DCDC1: variants seen among roughly 807,000 people sequenced by gnomAD.
DCDC1 encodes the protein doublecortin domain containing 1.
Under a neutral mutation model 178.3 loss-of-function variants are expected in DCDC1, and 200 were observed. The ratio of observed to expected loss-of-function variants is 1.12; its 90% confidence interval spans 1.00 to 1.26. DCDC1 has a LOEUF of 1.26. DCDC1 is among the 50% of genes most tolerant of loss of function. The probability of loss-of-function intolerance (pLI) is 0.00; values close to 1 mark genes in which losing one functional copy is unlikely to be tolerated. For synonymous variants in DCDC1, 690 were observed against 604.8 expected (o/e 1.14, Z -2.07); for missense variants, 1,983 against 1,749.2 (o/e 1.13, Z -2.38).
At chr11:30,873,140 A>G (rs1336483313) in intron 38 of DCDC1, among the ~76,000 whole-genome samples, 1 of 150,828 alleles carries the variant, frequency 6.6e-6, no homozygotes, top group Non-Finnish European at 1.5e-5. Flanking sequence ...ATATATATAC[A>G]CACGCACAGT....
intron 27 of DCDC1, among the ~76,000 whole-genome samples, chr11:30,914,140 C>G (rs1226973519): frequency 6.6e-6 from 1 of 152,240 alleles, no homozygotes; most frequent in African/African-American, 2.4e-5. Flanking sequence ...AAACCATTCA[C>G]AGAAACAAAA....
chr11:31,231,466 T>C (rs1466117858), intron 9 of DCDC1, among the ~76,000 whole-genome samples: 1 of 152,118 alleles, frequency 6.6e-6, no homozygotes, highest in African/African-American at 2.4e-5. Flanking sequence ...TTTGCCTTTT[T>C]AAAGGGTGAA....
intron 36 of DCDC1, among the ~76,000 whole-genome samples, chr11:30,884,033 A>ATTTTTTTTT (rs59940255): frequency 0.034 from 3,245 of 95,580 alleles, 493 homozygotes; most frequent in African/African-American, 0.14. Context: ...ATTCTTTCTC[A>ATTTTTTTTT]TTTTTTTTTT....
At chr11:31,172,678 G>C (rs1403206820) in intron 9 of DCDC1, among the ~76,000 whole-genome samples, 1 of 152,088 alleles carries the variant, frequency 6.6e-6, no homozygotes, top group African/African-American at 2.4e-5. Flanking sequence ...ACATAAGCTA[G>C]AGAAAAGAAA....
At chr11:30,892,727 A>C in intron 36 of DCDC1, 91 bp downstream of exon 36, 1 of 1,455,736 alleles carries the variant, frequency 6.9e-7, no homozygotes. Flanking sequence ...TGAGGTTCAT[A>C]GAAGTAATTT....
intron 20 of DCDC1, among the ~76,000 whole-genome samples, chr11:30,955,629 C>A (rs1229766801): frequency 6.6e-6 from 1 of 152,112 alleles, no homozygotes; most frequent in African/African-American, 2.4e-5. Context: ...TTCTCTAGTT[C>A]ATGTATTTAA....
chr11:30,911,520 C>T, intron 27 of DCDC1, 100 bp from the exon 28 acceptor site: 1 of 830,988 alleles, frequency 1.2e-6, no homozygotes, highest in Non-Finnish European at 2.0e-6. Flanking sequence ...TCCATGCATG[C>T]TCTGTAATAA....
chr11:30,987,848 T>C (rs914776529), intron 20 of DCDC1, among the ~76,000 whole-genome samples: 3 of 152,204 alleles, frequency 2.0e-5, no homozygotes, highest in Non-Finnish European at 4.4e-5. Context: ...AGTGTTAGTG[T>C]ATTTTATGTG....
chr11:31,005,303 G>A (rs1467578906), intron 20 of DCDC1, among the ~76,000 whole-genome samples: 3 of 152,080 alleles, frequency 2.0e-5, no homozygotes, highest in Non-Finnish European at 2.9e-5. Flanking sequence ...TGGACAACAT[G>A]GTTAGCCCCA....
intron 20 of DCDC1, 108 bp downstream of exon 20, chr11:31,064,360 AG>A (rs1279136624): frequency 2.6e-5 from 16 of 616,670 alleles, no homozygotes; most frequent in Non-Finnish European, 4.1e-5. Flanking sequence ...TGAAAGCCAA[AG>A]GGCTTTTGAG....
At chr11:31,213,909 T>A (rs1973190603) in intron 9 of DCDC1, among the ~76,000 whole-genome samples, 1 of 151,872 alleles carries the variant, frequency 6.6e-6, no homozygotes, top group Non-Finnish European at 1.5e-5. Context: ...TGTGTACACA[T>A]GTACATGTAT....
intron 1 of DCDC1, among the ~76,000 whole-genome samples, chr11:31,343,993 T>G (rs1209975313): frequency 2.0e-5 from 3 of 152,174 alleles, no homozygotes; most frequent in Admixed American, 2.0e-4. Flanking sequence ...ATTAGTTATA[T>G]AAGTGTGAAA....
chr11:30,932,484 T>C (rs1363997818), intron 21 of DCDC1, among the ~76,000 whole-genome samples: 1 of 152,184 alleles, frequency 6.6e-6, no homozygotes, highest in Non-Finnish European at 1.5e-5. Flanking sequence ...AAATCATTTA[T>C]TGATTAATTC....
chr11:31,283,885 A>G (rs1946631322), intron 7 of DCDC1, among the ~76,000 whole-genome samples: 1 of 152,104 alleles, frequency 6.6e-6, no homozygotes, highest in African/African-American at 2.4e-5. Context: ...TCAGCTACCT[A>G]GAACTTTGAT....
intron 20 of DCDC1, among the ~76,000 whole-genome samples, chr11:31,017,654 A>G (rs1380424876): frequency 6.6e-6 from 1 of 151,422 alleles, no homozygotes; most frequent in Non-Finnish European, 1.5e-5. Flanking sequence ...ATCACAGCTC[A>G]CTGCAGCCTT....
intron 9 of DCDC1, among the ~76,000 whole-genome samples, chr11:31,153,785 A>AACACACACACACACACACAC (rs141063677): frequency 0.072 from 9,575 of 132,226 alleles, 472 homozygotes; most frequent in East Asian, 0.099. Context: ...TCAGTCTTAA[A>AACACACACACACACACACAC]ACACACACAC....
intron 25 of DCDC1, among the ~76,000 whole-genome samples, chr11:30,917,342 A>T (rs1280467935): frequency 2.0e-5 from 3 of 152,210 alleles, no homozygotes; most frequent in Admixed American, 1.3e-4. Flanking sequence ...TAGTTTGAGA[A>T]ATTCACAATG....
At chr11:30,940,562 T>C (rs1046724366) in intron 21 of DCDC1, among the ~76,000 whole-genome samples, 2 of 152,216 alleles carry the variant, frequency 1.3e-5, no homozygotes, top group African/African-American at 4.8e-5. Flanking sequence ...GTCTCAGTGA[T>C]TGGCTTTCTG....
At chr11:31,133,987 GCCA>G (rs1962798332) in intron 10 of DCDC1, among the ~76,000 whole-genome samples, 1 of 152,194 alleles carries the variant, frequency 6.6e-6, no homozygotes, top group African/African-American at 2.4e-5. Context: ...ACAGGCGTGA[GCCA>G]CCACGCCTGG....
Sources: allele counts gnomAD v4.1 joint callset (sites outside exome capture counted in the v4.1 genomes callset), GRCh38; gene constraint gnomAD v4.1.1; transcripts MANE v1.5; gene names NCBI Gene and HGNC (gene_info 2026-07-23, HGNC 2026-07-21).